TUSC3: variants seen among roughly 807,000 people sequenced by gnomAD.
TUSC3 encodes tumor suppressor candidate 3.
TUSC3 carries 45 observed loss-of-function variants against 44.8 expected under a neutral mutation model. That is an observed-to-expected ratio of 1.00 (90% CI 0.79 to 1.29). The LOEUF is 1.29. TUSC3 is among the 50% of genes most tolerant of loss of function. The pLI is 0.00. For missense variants in TUSC3, 519 were observed against 437.9 expected, an observed-to-expected ratio of 1.19 and a Z score of -1.65; for synonymous variants, 212 against 152.9, an observed-to-expected ratio of 1.39 and a Z score of -2.85.
intron 1 of TUSC3, among the ~76,000 whole-genome samples, chr8:15,564,540 A>C (rs1802594241): frequency 6.6e-6 from 1 of 152,142 alleles, no homozygotes; most frequent in Admixed American, 6.5e-5. Flanking sequence ...CTTTAGAGCT[A>C]CTTATGTCAT....
chr8:15,770,186 A>T (rs189171804), downstream of TUSC3, among the ~76,000 whole-genome samples: 37 of 152,334 alleles, frequency 2.4e-4, no homozygotes, highest in African/African-American at 7.7e-4. Context: ...GATAGACTGG[A>T]TAAAGAAAAT....
chr8:15,610,542 C>T (rs1259752186), intron 1 of TUSC3, among the ~76,000 whole-genome samples: 1 of 152,102 alleles, frequency 6.6e-6, no homozygotes, highest in African/African-American at 2.4e-5. Flanking sequence ...AACAGCAATT[C>T]TTAAGTTCTT....
intron 9 of TUSC3, among the ~76,000 whole-genome samples, chr8:15,757,555 G>A (rs1286261132): frequency 6.6e-6 from 1 of 152,132 alleles, no homozygotes; most frequent in East Asian, 1.9e-4. Flanking sequence ...AATTTCACTG[G>A]TCTCAACCTT....
the TUSC3 span, among the ~76,000 whole-genome samples, chr8:15,798,589 T>C: frequency 6.6e-6 from 1 of 152,114 alleles, no homozygotes; most frequent in African/African-American, 2.4e-5. Flanking sequence ...TGGCGGCAGC[T>C]TTGGTTCAAC....
At chr8:15,674,342 G>A (rs533863781) in intron 6 of TUSC3, among the ~76,000 whole-genome samples, 22 of 152,098 alleles carry the variant, frequency 1.4e-4, no homozygotes, top group African/African-American at 4.6e-4. Flanking sequence ...AACTGCCACC[G>A]AATTCACATA....
chr8:15,738,176 CT>C (rs1217841504), intron 7 of TUSC3, among the ~76,000 whole-genome samples: 15 of 152,248 alleles, frequency 9.9e-5, no homozygotes, highest in African/African-American at 3.4e-4. Flanking sequence ...ATCATACTTA[CT>C]TACTGACCCC....
chr8:15,488,004 A>T (rs189096011), intron 2 of TUSC3, among the ~76,000 whole-genome samples: 1 of 151,698 alleles, frequency 6.6e-6, no homozygotes, highest in East Asian at 1.9e-4. Context: ...AATCTAATAT[A>T]GGCAGTGTGG....
At chr8:15,740,947 C>G (rs1020548706) in intron 7 of TUSC3, among the ~76,000 whole-genome samples, 3 of 151,968 alleles carry the variant, frequency 2.0e-5, no homozygotes, top group Admixed American at 2.0e-4. Flanking sequence ...TTTCTGTTAC[C>G]ACATTGTTTG....
intron 1 of TUSC3, among the ~76,000 whole-genome samples, chr8:15,544,452 A>G (rs1176156967): frequency 2.6e-5 from 4 of 151,772 alleles, no homozygotes; most frequent in Non-Finnish European, 4.4e-5. Flanking sequence ...ATAGGCCATG[A>G]TATGTAGGTA....
At chr8:15,638,485 T>C (rs1018580450) in intron 2 of TUSC3, among the ~76,000 whole-genome samples, 3 of 151,592 alleles carry the variant, frequency 2.0e-5, no homozygotes, top group African/African-American at 7.3e-5. Flanking sequence ...AAGGAAGTTC[T>C]TTGAAGACAA....
intron 1 of TUSC3, among the ~76,000 whole-genome samples, chr8:15,553,605 G>C (rs898705161): frequency 2.0e-5 from 3 of 151,600 alleles, no homozygotes; most frequent in African/African-American, 4.8e-5. Flanking sequence ...AATAACAACT[G>C]AACAGTTCTT....
chr8:15,648,931 T>C (rs34689098), intron 2 of TUSC3, among the ~76,000 whole-genome samples: 49,712 of 151,254 alleles, frequency 0.33, 8,560 homozygotes, highest in East Asian at 0.43. Flanking sequence ...AAAATGAAAA[T>C]GAACTAATAA....
At chr8:15,801,557 G>GT in the TUSC3 span, among the ~76,000 whole-genome samples, 1 of 152,138 alleles carries the variant, frequency 6.6e-6, no homozygotes, top group African/African-American at 2.4e-5. Context: ...TGTATCTTGT[G>GT]TTTTTTCGTA....
At chr8:15,600,805 T>A (rs1174888338) in intron 1 of TUSC3, among the ~76,000 whole-genome samples, 1 of 151,732 alleles carries the variant, frequency 6.6e-6, no homozygotes, top group Non-Finnish European at 1.5e-5. Flanking sequence ...GCATTATTGA[T>A]CTTGCTTATA....
chr8:15,836,463 T>A, the TUSC3 span, among the ~76,000 whole-genome samples: 2 of 129,632 alleles, frequency 1.5e-5, no homozygotes, highest in African/African-American at 5.6e-5. Flanking sequence ...GGCAACAGAG[T>A]GAGACTCCAT....
At chr8:15,835,438 G>C in the TUSC3 span, among the ~76,000 whole-genome samples, 2 of 151,740 alleles carry the variant, frequency 1.3e-5, no homozygotes, top group Admixed American at 1.3e-4. Context: ...CTATTTCATT[G>C]ATTCCTGCCT....
chr8:15,757,957 T>C, intron 10 of TUSC3, 102 bp downstream of exon 10: 1 of 1,514,532 alleles, frequency 6.6e-7, no homozygotes, highest in South Asian at 1.3e-5. Flanking sequence ...ATTACTGTTT[T>C]ACAAATGTAA....
chr8:15,601,107 A>G (rs553852336), intron 1 of TUSC3, among the ~76,000 whole-genome samples: 5 of 151,782 alleles, frequency 3.3e-5, no homozygotes, highest in African/African-American at 7.2e-5. Flanking sequence ...GATTTGTTAC[A>G]GTATCCATAG....
chr8:15,685,780 A>G (rs1215622138), intron 6 of TUSC3, among the ~76,000 whole-genome samples: 1 of 152,060 alleles, frequency 6.6e-6, no homozygotes, highest in African/African-American at 2.4e-5. Context: ...TTAATTTTCC[A>G]ACTGCATTGA....
Sources: gnomAD v4.1 joint callset for allele counts (sites outside exome capture counted in the v4.1 genomes callset) on GRCh38, gnomAD v4.1.1 for gene constraint, MANE v1.5 for transcripts, NCBI Gene and HGNC (gene_info 2026-07-23, HGNC 2026-07-21) for gene names.